The following CSMD1 variants were observed in gnomAD, a reference collection of about 807,000 sequenced individuals.
CSMD1 encodes CUB and sushi domain-containing protein 1.
Under a neutral mutation model 417.5 loss-of-function variants are expected in CSMD1, and 213 were observed. That is an observed-to-expected ratio of 0.51 (90% confidence interval 0.46 to 0.57). CSMD1 has a LOEUF of 0.57. Among genes scored for constraint, CSMD1 ranks in the 20% least tolerant of loss-of-function variants. The pLI is 0.00. For missense variants in CSMD1, 6,923 were observed against 4,529.7 expected, an observed-to-expected ratio of 1.53 and a Z score of -15.17; for synonymous variants, 2,862 against 1,736.8, an observed-to-expected ratio of 1.65 and a Z score of -16.11.
At chr8:4,797,882 A>C (rs372987567) in intron 1 of CSMD1, among the ~76,000 whole-genome samples, 23 of 152,232 alleles carry the variant, frequency 1.5e-4, no homozygotes, top group East Asian at 5.8e-4. Context: ...TACGAAAATC[A>C]TCTTAAATAC....
intron 4 of CSMD1, among the ~76,000 whole-genome samples, chr8:4,011,984 G>A (rs971020641): frequency 6.6e-6 from 1 of 151,614 alleles, no homozygotes; most frequent in Admixed American, 6.6e-5. Flanking sequence ...AAATGTCACA[G>A]AAATGGCTGT....
chr8:4,519,986 G>C (rs1447421290), intron 2 of CSMD1, among the ~76,000 whole-genome samples: 2 of 150,602 alleles, frequency 1.3e-5, no homozygotes, highest in Admixed American at 1.3e-4. Context: ...TTCAACCAAA[G>C]GTTATCAGAG....
intron 1 of CSMD1, among the ~76,000 whole-genome samples, chr8:4,677,304 G>T (rs1245848742): frequency 2.0e-5 from 3 of 151,712 alleles, no homozygotes; most frequent in East Asian, 1.9e-4. Context: ...AGTGAAGAAA[G>T]AAATTACAAT....
At chr8:3,982,537 G>A (rs577088076) in intron 5 of CSMD1, among the ~76,000 whole-genome samples, 1 of 151,880 alleles carries the variant, frequency 6.6e-6, no homozygotes, top group African/African-American at 2.4e-5. Flanking sequence ...TTAGAATTAT[G>A]TGCACTAGGA....
At chr8:3,644,394 C>A (rs1279603886) in intron 7 of CSMD1, among the ~76,000 whole-genome samples, 3 of 152,140 alleles carry the variant, frequency 2.0e-5, no homozygotes, top group African/African-American at 7.2e-5. Context: ...CCTGGAGAAG[C>A]CCTGGAAGCC....
chr8:3,870,610 T>C (rs867535568), intron 5 of CSMD1, among the ~76,000 whole-genome samples: 1 of 152,186 alleles, frequency 6.6e-6, no homozygotes, highest in African/African-American at 2.4e-5. Context: ...ACTCTTCCAA[T>C]ATGTTTATGA....
chr8:4,372,253 C>T (rs926378414), intron 3 of CSMD1, among the ~76,000 whole-genome samples: 8 of 152,100 alleles, frequency 5.3e-5, no homozygotes, highest in Admixed American at 1.3e-4. Flanking sequence ...AGTAAAGATA[C>T]ATAACGTCGG....
rs1309245711 is a variant in CSMD1, at chr8:3,272,681, C to T, written c.4153+11463G>A. On this transcript the variant is annotated intron_variant, in intron 26 of 69. Transcript: ENST00000635120. ...AAGTTGGATTCCTAGGTATTTTATT[C>T]TCTTCGAAGCAATTGTGAATGGGAG... Among the ~76,000 whole-genome samples, 2 of 139,238 alleles carry T rather than the reference C, an allele frequency of 1.4e-5. 1 individual carries two copies. Among genetic ancestry groups the T allele is most frequent in the African/African-American group, 5.5e-5 (2 of 36,620 alleles). The allele number at this position is 139,238 out of a possible 152,430, so 91.3% of individuals were successfully genotyped here.
intron 2 of CSMD1, among the ~76,000 whole-genome samples, chr8:4,593,586 G>A (rs115397538): frequency 0.019 from 2,847 of 152,170 alleles, 100 homozygotes; most frequent in African/African-American, 0.065. Flanking sequence ...CATAATGAAA[G>A]TAGAAAATAA....
chr8:3,567,923 G>A (rs1365973867), intron 10 of CSMD1, among the ~76,000 whole-genome samples: 1 of 152,064 alleles, frequency 6.6e-6, no homozygotes. Flanking sequence ...CACATGTGTT[G>A]ACATCCCCAT....
At chr8:4,846,840 A>G (rs1464938926) in intron 1 of CSMD1, among the ~76,000 whole-genome samples, 1 of 152,206 alleles carries the variant, frequency 6.6e-6, no homozygotes, top group Non-Finnish European at 1.5e-5. Context: ...ATATGCGTAT[A>G]TTTATATATC....
chr8:3,766,774 C>A (rs373623195), intron 5 of CSMD1, among the ~76,000 whole-genome samples: 9 of 152,034 alleles, frequency 5.9e-5, no homozygotes, highest in East Asian at 5.8e-4. Context: ...TTAAAAAACA[C>A]ATTTTTCTCC....
At chr8:4,050,652 C>A (rs1056176378) in intron 3 of CSMD1, among the ~76,000 whole-genome samples, 2 of 151,970 alleles carry the variant, frequency 1.3e-5, no homozygotes, top group African/African-American at 4.8e-5. Flanking sequence ...AGATCTTATT[C>A]GTTCTCTTTT....
intron 2 of CSMD1, among the ~76,000 whole-genome samples, chr8:4,618,606 T>C (rs1164826776): frequency 6.6e-6 from 1 of 152,134 alleles, no homozygotes; most frequent in African/African-American, 2.4e-5. Flanking sequence ...TTTGATGTTT[T>C]TCTGAGCTTC....
Position 3,663,859 on chromosome 8 carries a change from G to C in CSMD1, c.1009+44555C>G, listed in dbSNP as rs1008085064. On this transcript the variant is annotated intron_variant, in intron 7 of 69. Coordinates refer to ENST00000635120, the MANE Select transcript of CSMD1 (RefSeq NM_033225.6). ...GGGGCACGTGTTATCAGGATCTTCT[G>C]AGGTTGTGTCACAGGCGCAACCTCA... 2.6e-5 allele frequency among the ~76,000 whole-genome samples: 4 copies of C among 152,086 alleles called. No individual in the cohort carries two copies. In the East Asian group the frequency reaches 7.7e-4, roughly 29 times the overall value.
chr8:3,165,976 GA>G (rs926499953), intron 37 of CSMD1, among the ~76,000 whole-genome samples: 11 of 152,122 alleles, frequency 7.2e-5, no homozygotes, highest in African/African-American at 2.7e-4. Flanking sequence ...TTAGGGGACA[GA>G]AGGTCGTCTA....
intron 5 of CSMD1, among the ~76,000 whole-genome samples, chr8:3,970,895 G>A (rs1243075819): frequency 3.3e-5 from 5 of 152,076 alleles, no homozygotes; most frequent in South Asian, 2.1e-4. Context: ...GGGATTACAG[G>A]TGACTGCCAC....
rs574999195 is a variant in CSMD1, at chr8:4,316,032, G to C, written c.415+103921C>G. 3.3e-5 allele frequency among the ~76,000 whole-genome samples: 5 copies of C among 151,772 alleles called. No homozygotes were observed. In the South Asian group the frequency reaches 8.4e-4, roughly 25 times the overall value. ...AAATATTCAGGCATTATTGAAATTTGAAAATATCCCACTGAGAAATATATG... is the reference window on the plus strand; with the variant it reads ...AAATATTCAGGCATTATTGAAATTTCAAAATATCCCACTGAGAAATATATG... On this transcript the variant is annotated intron_variant, in intron 3 of 69. Coordinates refer to ENST00000635120, the MANE Select transcript of CSMD1 (RefSeq NM_033225.6).
At chr8:2,977,780 C>G (rs1055095829) in intron 55 of CSMD1, among the ~76,000 whole-genome samples, 1 of 152,124 alleles carries the variant, frequency 6.6e-6, no homozygotes, top group Non-Finnish European at 1.5e-5. Context: ...TGAACAGACA[C>G]TTCTCAAAAG....
Sources: gnomAD v4.1 joint callset for allele counts (sites outside exome capture counted in the v4.1 genomes callset) on GRCh38, gnomAD v4.1.1 for gene constraint, MANE v1.5 for transcripts, NCBI Gene and HGNC (gene_info 2026-07-23, HGNC 2026-07-21) for gene names.